The following RCL1 variants were observed in gnomAD, a reference collection of about 807,000 sequenced individuals.
RCL1 encodes the protein RNA 3'-terminal phosphate cyclase-like protein.
In RCL1, 24 loss-of-function variants were observed where a neutral mutation model predicts 42.4. That is an observed-to-expected ratio of 0.57 (90% CI 0.41 to 0.80). The LOEUF is 0.80. Ranked by LOEUF, RCL1 falls within the 30% of genes least tolerant of loss-of-function variation. The pLI, the probability that RCL1 is intolerant of heterozygous loss-of-function variation, is 0.00. For synonymous variants in RCL1, 228 were observed against 177.3 expected (o/e 1.29, Z -2.27); for missense variants, 578 against 467.9 (o/e 1.24, Z -2.17).
At chr9:4,842,445 T>A (rs776064559) in intron 6 of RCL1, among the ~76,000 whole-genome samples, 14 of 152,182 alleles carry the variant, frequency 9.2e-5, no homozygotes, top group South Asian at 2.1e-4. Flanking sequence ...AGGCTCATAG[T>A]CCAAAGCAAC....
intron 3 of RCL1, 163 bp downstream of exon 3, chr9:4,827,196 G>A: frequency 6.5e-7 from 1 of 1,539,934 alleles, no homozygotes; most frequent in East Asian, 2.4e-5. Flanking sequence ...GGAGGCAGAT[G>A]AACCAAAACT....
intron 1 of RCL1, among the ~76,000 whole-genome samples, chr9:4,796,612 C>T (rs1162631286): frequency 6.6e-6 from 1 of 152,130 alleles, no homozygotes; most frequent in Admixed American, 6.5e-5. Flanking sequence ...GTTGCCGAGG[C>T]TGGTCTTGAA....
chr9:4,820,734 A>C (rs940697250), intron 1 of RCL1, among the ~76,000 whole-genome samples: 7 of 152,226 alleles, frequency 4.6e-5, no homozygotes, highest in African/African-American at 1.7e-4. Context: ...GATTTTCTAT[A>C]AACCTAAGTA....
chr9:4,818,093 G>A (rs1816455740), intron 1 of RCL1, among the ~76,000 whole-genome samples: 1 of 151,442 alleles, frequency 6.6e-6, no homozygotes, highest in Admixed American at 6.6e-5. Flanking sequence ...GCTCATTTTT[G>A]TATTTTTAGT....
chr9:4,815,303 T>G (rs1428688730), intron 1 of RCL1, among the ~76,000 whole-genome samples: 1 of 152,232 alleles, frequency 6.6e-6, no homozygotes, highest in Non-Finnish European at 1.5e-5. Context: ...TTCATTTTCA[T>G]TCTCATTTCT....
At chr9:4,818,430 TAAAC>T (rs1475213800) in intron 1 of RCL1, among the ~76,000 whole-genome samples, 1 of 152,214 alleles carries the variant, frequency 6.6e-6, no homozygotes, top group Non-Finnish European at 1.5e-5. Context: ...TAGAAATAAA[TAAAC>T]ATACATATTT....
Position 4,857,931 on chromosome 9 carries a change from C to CTTTTTTTTTTT in RCL1, c.972-2185_972-2175dup, listed in dbSNP as rs34470773. ...AGGAAATATCCGTTTAGCTCTCCCA[C>CTTTTTTTTTTT]TTTTTTTTTTTTTTTTTTTCAGTGA... is the stretch of plus-strand genomic sequence containing the variant. On this transcript the variant is annotated intron_variant, in intron 8 of 8. Coordinates refer to ENST00000381750, the MANE Select transcript of RCL1 (RefSeq NM_005772.5). Among the ~76,000 whole-genome samples the CTTTTTTTTTTT allele has an allele frequency of 6.3e-4, 65 of 103,026 alleles. 5 individuals are homozygous for CTTTTTTTTTTT. Among genetic ancestry groups the CTTTTTTTTTTT allele is most frequent in the East Asian group, 2.0e-3 (6 of 3,028 alleles). 67.6% of individuals were successfully genotyped at this position (103,026 alleles called of 152,430 possible).
chr9:4,858,986 G>A (rs1818062165), intron 8 of RCL1, among the ~76,000 whole-genome samples: 1 of 152,186 alleles, frequency 6.6e-6, no homozygotes, highest in Non-Finnish European at 1.5e-5. Flanking sequence ...GATCAGCTTT[G>A]TGTGTGGACT....
In RCL1 at chr9:4,816,333, T is replaced by TTTATTTTATAAATTTTA. The variant is rs1378109146; in HGVS notation, c.137-7215_137-7214insTTATTTTATAAATTTTA. On this transcript the variant is annotated intron_variant, in intron 1 of 8. Transcript: ENST00000381750. ...GATAAACAATACTTCATAGTTTTAA[T>TTTATTTTATAAATTTTA]ATCCAATTTATAAATCTTGCCTATC... Among the ~76,000 whole-genome samples the TTTATTTTATAAATTTTA allele has an allele frequency of 8.5e-5, 13 of 152,370 alleles. No homozygotes were observed. The Middle Eastern group carries it at 0.01, about 120-fold the overall frequency.
At position 4,804,703 on chromosome 9, in the gene RCL1, C is replaced by T. The variant is rs574561840; in HGVS notation, c.136+11476C>T. 1.6e-3 allele frequency: 265 copies of T among 169,452 alleles called. 1 individual carries two copies. Among genetic ancestry groups the T allele is most frequent in the Admixed American group, 3.6e-3 (56 of 15,658 alleles). The allele number at this position is 169,452 out of a possible 1,614,324, so 10.5% of individuals were successfully genotyped here. A position where few individuals can be genotyped will look rare whatever the true frequency, so the allele number is the denominator to read the frequency against. On this transcript the variant is annotated intron_variant, in intron 1 of 8. Coordinates refer to ENST00000381750, the MANE Select transcript of RCL1 (RefSeq NM_005772.5). ...ATGGCTAGTCAAAGCGGCCGGTGGC[C>T]GGTGCGCTGGTGGGGAGGACGATCG...
In RCL1 at chr9:4,841,290, A is replaced by C. The variant is rs114500329; in HGVS notation, c.643A>C (p.Ile215Leu). ...ANRIVDSARSILNKFIPDIYI... is the reference protein window; with the variant it reads ...ANRIVDSARSLLNKFIPDIYI... ...CCGGATTGTGGATTCTGCAAGGAGC[A>C]TCCTCAACAAGTTCATACCTGATAT... is the stretch of plus-strand genomic sequence containing the variant. The change falls in exon 6 of 9, where the codon ATC becomes CTC. Residue 215 changes from isoleucine (I) to leucine (L), a missense_variant. Ile to Leu is a conservative substitution (Grantham distance 5, BLOSUM62 2). Transcript: ENST00000381750. The C allele has an allele frequency of 3.2e-5, 51 of 1,613,030 alleles. No individual in the cohort carries two copies. Among genetic ancestry groups the C allele is most frequent in the Non-Finnish European group, 3.2e-5 (38 of 1,179,128 alleles).
chr9:4,856,294 G>A (rs1329308234), intron 8 of RCL1, among the ~76,000 whole-genome samples: 2 of 152,240 alleles, frequency 1.3e-5, no homozygotes, highest in Admixed American at 1.3e-4. Flanking sequence ...AGGAAAGCCA[G>A]CAGGGAAAGC....
In RCL1 at chr9:4,797,342, C is replaced by T. The variant is rs558541746; in HGVS notation, c.136+4115C>T. 2.2e-4 allele frequency among the ~76,000 whole-genome samples: 33 copies of T among 152,302 alleles called. No homozygotes were observed. The South Asian group carries it at 4.6e-3, about 21-fold the overall frequency. ...GGTCTGCTCCCTGGCATGCCAAATC[C>T]GTTCCTGCTTCTATATGGAAATTTT... On this transcript the variant is annotated intron_variant, in intron 1 of 8. Transcript: ENST00000381750.
chr9:4,817,125 T>A (rs564897621), intron 1 of RCL1, among the ~76,000 whole-genome samples: 1 of 84,824 alleles, frequency 1.2e-5, no homozygotes, highest in East Asian at 3.4e-4. Context: ...CCAATAATTA[T>A]TTTTTTCTTT....
At position 4,860,396 on chromosome 9, in the gene RCL1, T is replaced by A. The variant is rs1459637541; in HGVS notation, c.*121T>A. On this transcript the variant is annotated 3_prime_UTR_variant, in exon 9 of 9. Transcript: ENST00000381750. ...GAATAGCCACTTGCTTAATTTTCTG[T>A]GAAGAAATATCAATATACAAATAAA... The A allele has an allele frequency of 3.9e-6, 4 of 1,035,824 alleles. No homozygotes were observed. The highest frequency in any genetic ancestry group is 6.8e-5 in the Admixed American group (2 of 29,370). The allele number at this position is 1,035,824 out of a possible 1,614,324, so 64.2% of individuals were successfully genotyped here.
At chr9:4,821,033 C>G (rs924523335) in intron 1 of RCL1, among the ~76,000 whole-genome samples, 19 of 152,048 alleles carry the variant, frequency 1.2e-4, no homozygotes, top group Admixed American at 6.6e-5. Context: ...AGATCAGTGC[C>G]TATAGTTGAA....
chr9:4,834,275 C>A lies in RCL1; in HGVS notation c.584+10C>A, dbSNP rs756150959. ...GTATTAGAGGAATGGCGTATCCTTT[C>A]CATTTATTTGGATTTCTTTTTTTTT... On this transcript the variant is annotated intron_variant, in intron 5 of 8. Transcript: ENST00000381750. 3 of 1,601,246 alleles carry A rather than the reference C, an allele frequency of 1.9e-6. No homozygotes were observed. The highest frequency in any genetic ancestry group is 1.7e-4 in the Middle Eastern group (1 of 6,000).
At chr9:4,849,599 C>T in intron 8 of RCL1, 49 bp downstream of exon 8, 4 of 1,393,948 alleles carry the variant, frequency 2.9e-6, no homozygotes, top group Non-Finnish European at 4.1e-6. Flanking sequence ...GTAATTTTCT[C>T]ATTGCCCAAA....
rs1372794401 is a variant in RCL1 at position 4,860,472 on chromosome 9, A to G, written c.*197A>G. 11 of 608,998 alleles carry G rather than the reference A, an allele frequency of 1.8e-5. No individual in the cohort carries two copies. The highest frequency in any genetic ancestry group is 2.6e-5 in the South Asian group (1 of 38,784). 37.7% of individuals were successfully genotyped at this position (608,998 alleles called of 1,614,324 possible). The stretch of plus-strand genomic sequence containing the variant: ...CAGCTGTTTCTCCAGTGGCATTGCC[A>G]TTGCCCAGGAGGGGCCCAGTCACCA... On this transcript the variant is annotated 3_prime_UTR_variant, in exon 9 of 9. Coordinates refer to ENST00000381750, the MANE Select transcript of RCL1 (RefSeq NM_005772.5).
Sources: gnomAD v4.1 joint callset for allele counts (sites outside exome capture counted in the v4.1 genomes callset) on GRCh38, gnomAD v4.1.1 for gene constraint, MANE v1.5 for transcripts, NCBI Gene and HGNC (gene_info 2026-07-23, HGNC 2026-07-21) for gene names.